TNKS2: variants seen among roughly 807,000 people sequenced by gnomAD.
TNKS2 encodes tankyrase 2.
A neutral mutation model predicts 137.6 loss-of-function variants in TNKS2; 72 were observed. The ratio of observed to expected loss-of-function variants is 0.52; its 90% CI spans 0.43 to 0.64. The LOEUF (loss-of-function observed/expected upper bound fraction) is 0.64, where lower values mean the gene tolerates loss of function less well. Among genes scored for constraint, TNKS2 ranks in the 30% least tolerant of loss-of-function variants. The pLI, the probability that TNKS2 is intolerant of heterozygous loss-of-function variation, is 0.00. For missense variants in TNKS2, 1,049 were observed against 1,410.2 expected (o/e 0.74, Z 4.10); for synonymous variants, 516 against 512.1 (o/e 1.01, Z -0.10).
At chr10:91,837,071 C>T (rs1842048355) in intron 13 of TNKS2, 73 bp downstream of exon 13, 11 of 1,442,136 alleles carry the variant, frequency 7.6e-6, no homozygotes, top group Non-Finnish European at 1.0e-5. Context: ...TGTACTGTTA[C>T]AATGAAGAGC....
rs1168372829 is a variant in TNKS2 at position 91,863,990 on chromosome 10, A to C, written c.*991A>C. The stretch of plus-strand genomic sequence containing the variant: ...ATTACCTTAAATCTAAAGGGGAAAA[A>C]AAAAATCACAAACAGGACTGGGTAG... On this transcript the variant is annotated 3_prime_UTR_variant, in exon 27 of 27. Coordinates refer to ENST00000371627, the MANE Select transcript of TNKS2 (RefSeq NM_025235.4). The C allele has an allele frequency of 2.0e-5, 3 of 152,166 alleles. No individual in the cohort carries two copies. Among genetic ancestry groups the C allele is most frequent in the Non-Finnish European group, 4.4e-5 (3 of 68,010 alleles). The allele number at this position is 152,166 out of a possible 1,614,324, so 9.4% of individuals were successfully genotyped here. A position where few individuals can be genotyped will look rare whatever the true frequency, so the allele number is the denominator to read the frequency against.
At chr10:91,836,219 A>C (rs530482876) in intron 12 of TNKS2, among the ~76,000 whole-genome samples, 20 of 151,512 alleles carry the variant, frequency 1.3e-4, no homozygotes, top group Non-Finnish European at 2.5e-4. Flanking sequence ...TATTTTTCCA[A>C]ATGCCAATTT....
chr10:91,861,939 A>G lies in TNKS2; in HGVS notation c.3282-60A>G, dbSNP rs527365925. On this transcript the variant is annotated intron_variant, in intron 25 of 26. Transcript: ENST00000371627. ...TTTAAAACTTATGCCGTGTCCACAC[A>G]TTGTCATATTTATGTATCAAATTTG... 10 of 1,472,460 alleles carry G rather than the reference A, an allele frequency of 6.8e-6. No individual in the cohort carries two copies. The South Asian group carries it at 8.2e-5, about 12-fold the overall frequency. The allele number at this position is 1,472,460 out of a possible 1,614,324, so 91.2% of individuals were successfully genotyped here.
chr10:91,823,783 G>A (rs916033130), intron 7 of TNKS2, among the ~76,000 whole-genome samples: 4 of 152,076 alleles, frequency 2.6e-5, no homozygotes, highest in Admixed American at 6.5e-5. Flanking sequence ...CAGCTGTTAC[G>A]GGAAGAGAAA....
intron 18 of TNKS2, among the ~76,000 whole-genome samples, chr10:91,846,472 TC>T (rs1290714079): frequency 6.6e-6 from 1 of 152,168 alleles, no homozygotes; most frequent in Non-Finnish European, 1.5e-5. Context: ...CTGTTTTCCT[TC>T]CCCTCTCTCC....
In TNKS2 at chr10:91,798,580, G is replaced by T. The variant is rs538717618; in HGVS notation, c.-111G>T. ...TCCGGTGACAGCAGGGAGCCAAGCG[G>T]CCCGGGCCCTGAGCGCGTCTTCTCC... On this transcript the variant is annotated 5_prime_UTR_variant, in exon 1 of 27. Transcript: ENST00000371627. 2.0e-4 allele frequency: 230 copies of T among 1,162,966 alleles called. No homozygotes were observed. The African/African-American group carries it at 3.2e-3, about 16-fold the overall frequency. The allele number at this position is 1,162,966 out of a possible 1,614,324, so 72.0% of individuals were successfully genotyped here.
At chr10:91,842,481 A>G in intron 16 of TNKS2, 90 bp downstream of exon 16, 1 of 1,219,318 alleles carries the variant, frequency 8.2e-7, no homozygotes, top group Non-Finnish European at 1.2e-6. Context: ...AAACTTTAAA[A>G]ATTCAAATCA....
At position 91,830,948 on chromosome 10, in the gene TNKS2, C is replaced by A; in HGVS notation, c.1130C>A (p.Pro377His). ...CATTGTGCTGCTGCATCTCCATATC[C>A]CAAAAGAAAGCAAATATGTGAACTG... ...ALHCAAASPY[P>H]KRKQICELLL... Residue 377 changes from proline (P) to histidine (H), a missense_variant, in exon 10 of 27, where the codon CCC becomes CAC. By Grantham distance (77) the Pro-to-His change is moderately conservative (BLOSUM62 -2). Coordinates refer to ENST00000371627, the MANE Select transcript of TNKS2 (RefSeq NM_025235.4). 6.2e-7 allele frequency: 1 copy of A among 1,611,014 alleles called. No individual in the cohort carries two copies. Among genetic ancestry groups the A allele is most frequent in the Non-Finnish European group, 8.5e-7 (1 of 1,179,226 alleles).
intron 23 of TNKS2, among the ~76,000 whole-genome samples, chr10:91,856,569 T>C (rs1187627502): frequency 6.6e-6 from 1 of 151,884 alleles, no homozygotes; most frequent in Non-Finnish European, 1.5e-5. Context: ...AGGAGAGAGG[T>C]TGTGTGTTTG....
In TNKS2 at chr10:91,813,043, G is replaced by T; in HGVS notation, c.260G>T (p.Arg87Leu). The T allele has an allele frequency of 6.2e-7, 1 of 1,614,154 alleles. No homozygotes were observed. The highest frequency in any genetic ancestry group is 2.2e-5 in the East Asian group (1 of 44,884). The change falls in exon 2 of 27, where the codon CGT becomes CTT. Residue 87 changes from arginine to leucine, a missense_variant. Physicochemically the swap from Arg to Leu is moderately radical, Grantham distance 102. Around this residue, in one of 6 missense-constraint regions of TNKS2, gnomAD observed 374 missense variants for 460.8 expected, o/e 0.81. Coordinates refer to ENST00000371627, the MANE Select transcript of TNKS2 (RefSeq NM_025235.4). ...CAGAATGGTGCAAATGTCCAAGCAC[G>T]TGATGATGGGGGCCTTATTCCTCTT... ...LLQNGANVQA[R>L]DDGGLIPLHN...
chr10:91,845,727 C>G, intron 17 of TNKS2, 25 bp from the exon 18 acceptor site: 1 of 1,434,918 alleles, frequency 7.0e-7, no homozygotes, highest in Non-Finnish European at 9.3e-7. Flanking sequence ...ATATTTCAGA[C>G]TGTAACGGGT....
intron 1 of TNKS2, among the ~76,000 whole-genome samples, chr10:91,808,926 G>A (rs1303237980): frequency 6.6e-6 from 1 of 152,092 alleles, no homozygotes; most frequent in Admixed American, 6.5e-5. Flanking sequence ...ATTTTCATCT[G>A]CAGCCTTGCC....
chr10:91,798,907 C>A lies in TNKS2; in HGVS notation c.199+18C>A. On this transcript the variant is annotated intron_variant, in intron 1 of 26. Coordinates refer to ENST00000371627, the MANE Select transcript of TNKS2 (RefSeq NM_025235.4). ...CGCCGCAGGTAACCGGGGCCAGCGT[C>A]CCCTCGCCTCGCTCCAGACCCCACC... is the stretch of plus-strand genomic sequence containing the variant. 7.3e-7 allele frequency: 1 copy of A among 1,376,016 alleles called. No homozygotes were observed. Among genetic ancestry groups the A allele is most frequent in the South Asian group, 1.7e-5 (1 of 59,224 alleles). The allele number at this position is 1,376,016 out of a possible 1,614,324, so 85.2% of individuals were successfully genotyped here. A position where few individuals can be genotyped will look rare whatever the true frequency, so the allele number is the denominator to read the frequency against.
At chr10:91,852,808 C>T (rs1486216913) in intron 21 of TNKS2, among the ~76,000 whole-genome samples, 1 of 152,124 alleles carries the variant, frequency 6.6e-6, no homozygotes, top group Non-Finnish European at 1.5e-5. Context: ...GTAGATGATT[C>T]AAGCTAAGGA....
rs747332100 is a variant in TNKS2, at chr10:91,837,016, G to A, written c.1527+18G>A. The A allele has an allele frequency of 1.1e-5, 17 of 1,608,126 alleles. No homozygotes were observed. The highest frequency in any genetic ancestry group is 5.1e-5 in the Admixed American group (3 of 59,006). ...CTGTAAAAGTAAGATACAGTGTTAC[G>A]TTTCTGTTAACTTTGGGTTTTTATT... On this transcript the variant is annotated intron_variant, in intron 13 of 26. Transcript: ENST00000371627.
chr10:91,816,970 A>G (rs577383789), intron 2 of TNKS2, among the ~76,000 whole-genome samples, 164 bp from the exon 3 acceptor site: 1 of 152,340 alleles, frequency 6.6e-6, no homozygotes, highest in African/African-American at 2.4e-5. Flanking sequence ...TACTTTATGT[A>G]TTATTTTTAT....
chr10:91,817,340 C>CAGTT (rs1844736919), intron 3 of TNKS2, 111 bp downstream of exon 3: 1 of 616,952 alleles, frequency 1.6e-6, no homozygotes, highest in Non-Finnish European at 2.9e-6. Flanking sequence ...AAAATAGTGT[C>CAGTT]AGTTCAGTAG....
At chr10:91,819,676 A>C in intron 5 of TNKS2, 119 bp downstream of exon 5, 1 of 840,956 alleles carries the variant, frequency 1.2e-6, no homozygotes. Context: ...TAAGTGTTTC[A>C]GTATTTTCAG....
intron 1 of TNKS2, among the ~76,000 whole-genome samples, chr10:91,805,038 A>G (rs987355030): frequency 6.6e-6 from 1 of 151,918 alleles, no homozygotes; most frequent in Non-Finnish European, 1.5e-5. Flanking sequence ...TGCTGGGATT[A>G]CAGGTGTGAG....
Sources: allele counts gnomAD v4.1 joint callset (sites outside exome capture counted in the v4.1 genomes callset), GRCh38; gene constraint gnomAD v4.1.1; regional missense constraint gnomAD v4.1.1; transcripts MANE v1.5; gene names NCBI Gene and HGNC (gene_info 2026-07-23, HGNC 2026-07-21).